The following GNL1 variants were observed in gnomAD, a reference collection of about 807,000 sequenced individuals.
GNL1 encodes the protein G protein nucleolar 1.
GNL1 carries 21 observed loss-of-function variants against 75.2 expected under a neutral mutation model. The ratio of observed to expected loss-of-function variants is 0.28; its 90% CI spans 0.20 to 0.40. GNL1 has a LOEUF of 0.40. Ranked by LOEUF, GNL1 falls within the 10% of genes least tolerant of loss-of-function variation. GNL1 has a pLI of 1.00. For synonymous variants in GNL1, 287 were observed against 303.4 expected, an observed-to-expected ratio of 0.95 and a Z score of 0.56; for missense variants, 579 against 775.0, an observed-to-expected ratio of 0.75 and a Z score of 3.00.
Position 30,555,105 on chromosome 6 carries a change from C to A in GNL1, c.326G>T (p.Ser109Ile). ...AAREQVLQPV[S>I]AELLELDIRE... ...GATGTCCAGCTCCAACAACTCAGCA[C>A]TGACCGGCTGTAGAACTTGCTCCCG... is the stretch of plus-strand genomic sequence containing the variant. Residue 109 changes from serine (S) to isoleucine (I), a missense_variant, in exon 3 of 12, where the codon AGT becomes ATT. By Grantham distance (142) the Ser-to-Ile change is moderately radical (BLOSUM62 -2). Transcript: ENST00000376621. The surrounding 1 kb of genome is among the most constrained non-coding windows in gnomAD (Gnocchi z 4.3). The A allele has an allele frequency of 6.2e-7, 1 of 1,613,050 alleles. No individual in the cohort carries two copies.
At position 30,546,890 on chromosome 6, in the gene GNL1, T is replaced by C. The variant is rs1799485153; in HGVS notation, c.1442-54A>G. 1.4e-6 allele frequency: 2 copies of C among 1,425,220 alleles called. No individual in the cohort carries two copies. Among genetic ancestry groups the C allele is most frequent in the Non-Finnish European group, 1.9e-6 (2 of 1,028,230 alleles). 88.3% of individuals were successfully genotyped at this position (1,425,220 alleles called of 1,614,324 possible). ...GAAAGCATTAACCAGGTACCAGTTA[T>C]ACTCCCACTCCCATAACACAGTCCT... On this transcript the variant is annotated intron_variant, in intron 10 of 11. Coordinates refer to ENST00000376621, the MANE Select transcript of GNL1 (RefSeq NM_005275.5). This position sits in a 1 kb window ranked among gnomAD's most constrained non-coding sequence, Gnocchi z 5.1.
At position 30,556,063 on chromosome 6, in the gene GNL1, G is replaced by T; in HGVS notation, c.73+68C>A. 1 of 1,563,768 alleles carries T rather than the reference G, an allele frequency of 6.4e-7. No individual in the cohort carries two copies. On this transcript the variant is annotated intron_variant, in intron 1 of 11. Coordinates refer to ENST00000376621, the MANE Select transcript of GNL1 (RefSeq NM_005275.5). The surrounding 1 kb of genome is among the most constrained non-coding windows in gnomAD (Gnocchi z 5.7). ...CTCCCACGATCCCCAGAGGTGCAGC[G>T]GGCACACCCCTCCTTCCAGATGTGC...
rs893317799 is a variant in GNL1, at chr6:30,547,028, G to T, written c.1441+84C>A. The T allele has an allele frequency of 1.5e-6, 2 of 1,303,338 alleles. No homozygotes were observed. The highest frequency in any genetic ancestry group is 2.9e-5 in the African/African-American group (2 of 68,926). The allele number at this position is 1,303,338 out of a possible 1,614,324, so 80.7% of individuals were successfully genotyped here. A position where few individuals can be genotyped will look rare whatever the true frequency, so the allele number is the denominator to read the frequency against. ...TGGCAGAATCTCTGAGGAGAGGAAAGGAGACAGGGAAGGGTAAAAGGCGAG... is the reference window on the plus strand; with the variant it reads ...TGGCAGAATCTCTGAGGAGAGGAAATGAGACAGGGAAGGGTAAAAGGCGAG... On this transcript the variant is annotated intron_variant, in intron 10 of 11. Coordinates refer to ENST00000376621, the MANE Select transcript of GNL1 (RefSeq NM_005275.5). This position sits in a 1 kb window ranked among gnomAD's most constrained non-coding sequence, Gnocchi z 5.5.
rs1800096293 is a variant in GNL1 at position 30,555,510 on chromosome 6, C to G, written c.239+45G>C. The G allele has an allele frequency of 6.4e-7, 1 of 1,569,512 alleles. No homozygotes were observed. Among genetic ancestry groups the G allele is most frequent in the Admixed American group, 1.7e-5 (1 of 57,592 alleles). ...CGCTTTCCCCCAAAGCTCTGACTTCCGGGTAGGCGGGAAAGCCGGGACCAG... is the reference window on the plus strand; with the variant it reads ...CGCTTTCCCCCAAAGCTCTGACTTCGGGGTAGGCGGGAAAGCCGGGACCAG... On this transcript the variant is annotated intron_variant, in intron 2 of 11. Transcript: ENST00000376621. This position sits in a 1 kb window ranked among gnomAD's most constrained non-coding sequence, Gnocchi z 4.3.
At position 30,543,792 on chromosome 6, in the gene GNL1, C is replaced by T. The variant is rs1001476892; in HGVS notation, c.*2280G>A. 5.9e-5 allele frequency: 9 copies of T among 152,180 alleles called. No individual in the cohort carries two copies. The highest frequency in any genetic ancestry group is 2.2e-4 in the African/African-American group (9 of 41,440). 9.4% of individuals were successfully genotyped at this position (152,180 alleles called of 1,614,324 possible). On this transcript the variant is annotated 3_prime_UTR_variant, in exon 12 of 12. Transcript: ENST00000376621. ...CTATCCTGGACCACACACAGCTACC[C>T]TGTTCCAGAAGCAGGACTATAATCC... is the stretch of plus-strand genomic sequence containing the variant.
intron 8 of GNL1, among the ~76,000 whole-genome samples, chr6:30,551,327 G>A (rs1799764142): frequency 1.3e-5 from 2 of 152,124 alleles, no homozygotes; most frequent in Non-Finnish European, 2.9e-5. Context: ...TGAAATGACT[G>A]GAAAGAGGAG....
chr6:30,542,660 A>C lies in GNL1; in HGVS notation c.*3412T>G, dbSNP rs1799234444. 6.6e-6 allele frequency: 1 copy of C among 152,202 alleles called. No individual in the cohort carries two copies. The highest frequency in any genetic ancestry group is 2.4e-5 in the African/African-American group (1 of 41,428). 9.4% of individuals were successfully genotyped at this position (152,202 alleles called of 1,614,324 possible). A position where few individuals can be genotyped will look rare whatever the true frequency, so the allele number is the denominator to read the frequency against. ...AACAATCCCAAGACATGTCAATTCT[A>C]TCTCCTGAGCAACCCATAAAACGAT... On this transcript the variant is annotated 3_prime_UTR_variant, in exon 12 of 12. Transcript: ENST00000376621. This position sits in a 1 kb window ranked among gnomAD's most constrained non-coding sequence, Gnocchi z 4.5.
intron 8 of GNL1, among the ~76,000 whole-genome samples, chr6:30,550,054 G>A (rs547041701): frequency 1.3e-3 from 191 of 152,150 alleles, no homozygotes; most frequent in African/African-American, 4.4e-3. Flanking sequence ...TCAAACTCCT[G>A]GCCTCAAGTG....
Position 30,547,620 on chromosome 6 carries a change from G to C in GNL1, c.1100-90C>G. On this transcript the variant is annotated intron_variant, in intron 8 of 11. Coordinates refer to ENST00000376621, the MANE Select transcript of GNL1 (RefSeq NM_005275.5). This position sits in a 1 kb window ranked among gnomAD's most constrained non-coding sequence, Gnocchi z 5.5. ...ACCTATAGGTAAAAGGGGAACTAAG[G>C]CTCAGAAATTAAGGAAATGGTATTG... 1 of 1,105,132 alleles carries C rather than the reference G, an allele frequency of 9.0e-7. No homozygotes were observed. The highest frequency in any genetic ancestry group is 1.3e-6 in the Non-Finnish European group (1 of 744,874). The allele number at this position is 1,105,132 out of a possible 1,614,324, so 68.5% of individuals were successfully genotyped here.
intron 5 of GNL1, 123 bp from the exon 6 acceptor site, chr6:30,553,680 A>C: frequency 1.5e-6 from 1 of 679,168 alleles, no homozygotes; most frequent in South Asian, 1.7e-5. Flanking sequence ...CTCTGGGCTA[A>C]AAACTATAAA....
chr6:30,552,764 G>A lies in GNL1; in HGVS notation c.905-103C>T, dbSNP rs1799874359. ...GATTATGTAACTGGCACCCTCTGGA[G>A]TTGTACAGTGCCAACCTAAATAAGA... On this transcript the variant is annotated intron_variant, in intron 7 of 11. Coordinates refer to ENST00000376621, the MANE Select transcript of GNL1 (RefSeq NM_005275.5). The surrounding 1 kb of genome is among the most constrained non-coding windows in gnomAD (Gnocchi z 4.5). 1 of 1,038,622 alleles carries A rather than the reference G, an allele frequency of 9.6e-7. No homozygotes were observed. The highest frequency in any genetic ancestry group is 1.6e-5 in the African/African-American group (1 of 62,412). 64.3% of individuals were successfully genotyped at this position (1,038,622 alleles called of 1,614,324 possible). A position where few individuals can be genotyped will look rare whatever the true frequency, so the allele number is the denominator to read the frequency against.
In GNL1 at chr6:30,552,110, C is replaced by A. The variant is rs1799820359; in HGVS notation, c.1099+357G>T. On this transcript the variant is annotated intron_variant, in intron 8 of 11. Coordinates refer to ENST00000376621, the MANE Select transcript of GNL1 (RefSeq NM_005275.5). The surrounding 1 kb of genome is among the most constrained non-coding windows in gnomAD (Gnocchi z 4.5). ...AGCTCCTGGTCTCAAGCAATCCTCC[C>A]ACCTCAGCCTCCCAAAGCGCTGGGA... 4.1e-6 allele frequency: 1 copy of A among 242,332 alleles called. No individual in the cohort carries two copies. The highest frequency in any genetic ancestry group is 7.9e-6 in the Non-Finnish European group (1 of 126,178). The allele number at this position is 242,332 out of a possible 1,614,324, so 15.0% of individuals were successfully genotyped here.
Position 30,556,383 on chromosome 6 carries a change from G to C in GNL1, c.-180C>G. The C allele has an allele frequency of 1.5e-6, 1 of 660,330 alleles. No homozygotes were observed. Among genetic ancestry groups the C allele is most frequent in the Non-Finnish European group, 2.6e-6 (1 of 382,228 alleles). The allele number at this position is 660,330 out of a possible 1,614,324, so 40.9% of individuals were successfully genotyped here. A position where few individuals can be genotyped will look rare whatever the true frequency, so the allele number is the denominator to read the frequency against. ...CGGCGGCGATGGAAGGCGGACGGGGGAGATATAGTCACTTCCCTCCAGGAG... is the reference window on the plus strand; with the variant it reads ...CGGCGGCGATGGAAGGCGGACGGGGCAGATATAGTCACTTCCCTCCAGGAG... On this transcript the variant is annotated 5_prime_UTR_variant, in exon 1 of 12. Transcript: ENST00000376621. The surrounding 1 kb of genome is among the most constrained non-coding windows in gnomAD (Gnocchi z 5.7).
chr6:30,554,178 C>T (rs550026983), intron 5 of GNL1, among the ~76,000 whole-genome samples: 1 of 152,342 alleles, frequency 6.6e-6, no homozygotes, highest in African/African-American at 2.4e-5. Context: ...GCCTTAACTA[C>T]TACTCTAGCA....
chr6:30,546,201 C>T lies in GNL1; in HGVS notation c.1695G>A (p.Glu565=), dbSNP rs1441262161. ...CATCCCGGTCCTCCTCTCCCTCCTC[C>T]TCACAGGAGCTGCTCAGCTCTTCCT... The part of the protein sequence containing the change: ...EEEEELSSSC[E]EEGEEDRDAD... Residue 565 remains glutamate, a synonymous_variant, in exon 12 of 12, where the codon GAG becomes GAA. Coordinates refer to ENST00000376621, the MANE Select transcript of GNL1 (RefSeq NM_005275.5). This position sits in a 1 kb window ranked among gnomAD's most constrained non-coding sequence, Gnocchi z 5.1. The T allele has an allele frequency of 6.5e-7, 1 of 1,543,576 alleles. No individual in the cohort carries two copies. Among genetic ancestry groups the T allele is most frequent in the African/African-American group, 1.4e-5 (1 of 73,252 alleles).
rs775362717 is a variant in GNL1 at position 30,555,240 on chromosome 6, C to T, written c.240-49G>A. 2.5e-6 allele frequency: 4 copies of T among 1,606,702 alleles called. No individual in the cohort carries two copies. Among genetic ancestry groups the T allele is most frequent in the East Asian group, 4.5e-5 (2 of 44,844 alleles). On this transcript the variant is annotated intron_variant, in intron 2 of 11. Coordinates refer to ENST00000376621, the MANE Select transcript of GNL1 (RefSeq NM_005275.5). The surrounding 1 kb of genome is among the most constrained non-coding windows in gnomAD (Gnocchi z 4.3). Reference sequence around the variant, plus strand: ...TCCAGAGCAATCCTGTGGCCACAAACTCCTATTTTCTCCCCTCTTGTACAA... The same window carrying T: ...TCCAGAGCAATCCTGTGGCCACAAATTCCTATTTTCTCCCCTCTTGTACAA...
intron 8 of GNL1, among the ~76,000 whole-genome samples, chr6:30,549,002 TTG>T (rs1491374935): frequency 6.7e-4 from 101 of 151,142 alleles, no homozygotes; most frequent in Non-Finnish European, 1.1e-3. Flanking sequence ...CTTGTTTTTT[TTG>T]TTTTTGTTTT....
Position 30,541,687 on chromosome 6 carries a change from T to C in GNL1, c.*4385A>G, listed in dbSNP as rs1027251515. On this transcript the variant is annotated 3_prime_UTR_variant, in exon 12 of 12. Transcript: ENST00000376621. ...CGGGAAGTCCATTTACCAACGGCTG[T>C]TGCGATCTCTTAATTAGCTTGAACT... 2 of 152,278 alleles carry C rather than the reference T, an allele frequency of 1.3e-5. No individual in the cohort carries two copies. The highest frequency in any genetic ancestry group is 2.9e-5 in the Non-Finnish European group (2 of 68,050). 9.4% of individuals were successfully genotyped at this position (152,278 alleles called of 1,614,324 possible). A position where few individuals can be genotyped will look rare whatever the true frequency, so the allele number is the denominator to read the frequency against.
intron 8 of GNL1, among the ~76,000 whole-genome samples, chr6:30,550,897 ATCCAGTTCTCTCCTC>A (rs1307620277): frequency 6.6e-6 from 1 of 151,864 alleles, no homozygotes; most frequent in Non-Finnish European, 1.5e-5. Flanking sequence ...TCATCTCATC[ATCCAGTTCTCTCCTC>A]AGGGAGGTTT....
Sources: gnomAD v4.1 joint callset for allele counts (sites outside exome capture counted in the v4.1 genomes callset) on GRCh38, gnomAD v4.1.1 for gene constraint, Gnocchi (gnomAD v3.1) non-coding constraint, MANE v1.5 for transcripts, NCBI Gene and HGNC (gene_info 2026-07-23, HGNC 2026-07-21) for gene names.